ASIC2: variants seen among roughly 807,000 people sequenced by gnomAD.
ASIC2 encodes acid sensing ion channel subunit 2, also known as acid-sensing ion channel 2.
ASIC2 carries 25 observed loss-of-function variants against 57.3 expected under a neutral mutation model. The observed-to-expected ratio is 0.44, with a 90% confidence interval of 0.32 to 0.61. The LOEUF (loss-of-function observed/expected upper bound fraction) is 0.61. Among genes scored for constraint, ASIC2 ranks in the 20% least tolerant of loss-of-function variants. ASIC2 has a pLI of 0.06. For missense variants in ASIC2, 641 were observed against 738.1 expected (o/e 0.87, Z 1.52); for synonymous variants, 319 against 307.5 (o/e 1.04, Z -0.39).
intron 1 of ASIC2, among the ~76,000 whole-genome samples, chr17:33,599,287 G>A (rs1905066097): frequency 6.6e-6 from 1 of 152,174 alleles, no homozygotes; most frequent in Non-Finnish European, 1.5e-5. Context: ...GATACCTCTT[G>A]CCCTCAACAC....
At position 33,028,162 on chromosome 17, in the gene ASIC2, G is replaced by A. The variant is rs1034865841; in HGVS notation, c.1138+80C>T. On this transcript the variant is annotated intron_variant, in intron 4 of 9. Coordinates refer to ENST00000225823, the MANE Select transcript of ASIC2 (RefSeq NM_183377.2). ...TGGATCCCAGCGAAGTGGGTGAAGT[G>A]TTTCCCATTAGGATGAGAAATGCAA... 6 of 1,531,822 alleles carry A rather than the reference G, an allele frequency of 3.9e-6. No homozygotes were observed. In the Admixed American group the frequency reaches 1.1e-4, roughly 27 times the overall value. The allele number at this position is 1,531,822 out of a possible 1,614,324, so 94.9% of individuals were successfully genotyped here.
intron 1 of ASIC2, among the ~76,000 whole-genome samples, chr17:33,728,958 G>C (rs1909650085): frequency 6.6e-6 from 1 of 151,956 alleles, no homozygotes; most frequent in Non-Finnish European, 1.5e-5. Context: ...GTCTTTGCTG[G>C]GCCCCATCAC....
At chr17:33,329,965 T>C (rs946895677) in intron 1 of ASIC2, among the ~76,000 whole-genome samples, 6 of 152,208 alleles carry the variant, frequency 3.9e-5, no homozygotes, top group South Asian at 4.2e-4. Flanking sequence ...GGTTTAGGCA[T>C]GAATGTGCAT....
At chr17:34,102,125 T>A (rs1910887673) in intron 1 of ASIC2, among the ~76,000 whole-genome samples, 1 of 151,838 alleles carries the variant, frequency 6.6e-6, no homozygotes, top group South Asian at 2.1e-4. Flanking sequence ...CCTGGCCAAC[T>A]TTGAGACTAG....
chr17:33,100,242 C>T (rs1010782037), intron 2 of ASIC2: 1 of 152,266 alleles, frequency 6.6e-6, no homozygotes, highest in African/African-American at 2.4e-5. Flanking sequence ...CACATAGGCC[C>T]CTGGTGATCT....
intron 1 of ASIC2, among the ~76,000 whole-genome samples, chr17:33,666,323 G>A (rs568920323): frequency 7.2e-5 from 11 of 152,288 alleles, no homozygotes; most frequent in Non-Finnish European, 1.2e-4. Context: ...ACAAAATTAA[G>A]AAACGGGCAG....
chr17:33,915,737 C>T lies in ASIC2; in HGVS notation c.555+240241G>A, dbSNP rs75870590. Among the ~76,000 whole-genome samples the T allele has an allele frequency of 9.5e-3, 1,448 of 152,238 alleles. 26 individuals are homozygous for T. The highest frequency in any genetic ancestry group is 0.033 in the African/African-American group (1,363 of 41,540). On this transcript the variant is annotated intron_variant, in intron 1 of 9. Transcript: ENST00000359872. ...GCATGCATTTTCCCTTTTTCTACAGCGAAGAAACTGGAAAACTGACTTGAG... is the reference window on the plus strand; with the variant it reads ...GCATGCATTTTCCCTTTTTCTACAGTGAAGAAACTGGAAAACTGACTTGAG...
intron 1 of ASIC2, among the ~76,000 whole-genome samples, chr17:33,802,966 A>G (rs1009102716): frequency 1.3e-5 from 2 of 150,954 alleles, no homozygotes; most frequent in Non-Finnish European, 3.0e-5. Context: ...TTAAGTGCGC[A>G]TAGCCAAAGT....
At chr17:34,012,841 T>C (rs1029712935) in intron 1 of ASIC2, among the ~76,000 whole-genome samples, 1 of 152,098 alleles carries the variant, frequency 6.6e-6, no homozygotes, top group Admixed American at 6.5e-5. Flanking sequence ...CAGGTCTCAC[T>C]CAGAGCCCTG....
chr17:33,156,893 T>C (rs1432723121), intron 1 of ASIC2, among the ~76,000 whole-genome samples: 1 of 152,102 alleles, frequency 6.6e-6, no homozygotes, highest in Non-Finnish European at 1.5e-5. Flanking sequence ...GTCTGGGTGA[T>C]TCTGTTAGGT....
At chr17:33,723,771 G>C (rs574507948) in intron 1 of ASIC2, among the ~76,000 whole-genome samples, 1 of 152,218 alleles carries the variant, frequency 6.6e-6, no homozygotes, top group Non-Finnish European at 1.5e-5. Flanking sequence ...GACGTATTCT[G>C]TTCTTTGTTC....
At chr17:33,366,061 G>A (rs1478917311) in intron 1 of ASIC2, among the ~76,000 whole-genome samples, 4 of 152,220 alleles carry the variant, frequency 2.6e-5, no homozygotes, top group Non-Finnish European at 5.9e-5. Context: ...AGGTTGGCAA[G>A]GCTGCTCTAA....
chr17:33,973,791 G>A lies in ASIC2; in HGVS notation c.555+182187C>T, dbSNP rs180688436. On this transcript the variant is annotated intron_variant, in intron 1 of 9. Transcript: ENST00000359872. ...AGATTGCAAACAGGTTCTCCTCTGG[G>A]TAAGCGTATTTGCTGTGATCCTTGG... Among the ~76,000 whole-genome samples, 289 of 144,440 alleles carry A rather than the reference G, an allele frequency of 2.0e-3. 2 individuals are homozygous for A. Among genetic ancestry groups the A allele is most frequent in the African/African-American group, 7.4e-3 (282 of 38,206 alleles). The allele number at this position is 144,440 out of a possible 152,430, so 94.8% of individuals were successfully genotyped here. A position where few individuals can be genotyped will look rare whatever the true frequency, so the allele number is the denominator to read the frequency against.
At chr17:33,623,636 T>G (rs2142022560) in intron 1 of ASIC2, 2 of 152,282 alleles carry the variant, frequency 1.3e-5, no homozygotes, top group Middle Eastern at 6.8e-3. Context: ...TAGGGCAACC[T>G]GGAAATGTCC....
chr17:33,351,386 A>G (rs979749954), intron 1 of ASIC2, among the ~76,000 whole-genome samples: 1 of 152,170 alleles, frequency 6.6e-6, no homozygotes. Flanking sequence ...CCAGACGTTC[A>G]TCTCTTCTCA....
intron 1 of ASIC2, among the ~76,000 whole-genome samples, chr17:33,974,040 A>G (rs924400653): frequency 6.6e-6 from 1 of 151,962 alleles, no homozygotes; most frequent in African/African-American, 2.4e-5. Flanking sequence ...CCGTCCACTA[A>G]TCCCCATTCA....
chr17:33,553,570 G>A lies in ASIC2; in HGVS notation c.556-441503C>T, dbSNP rs946594482. Among the ~76,000 whole-genome samples the A allele has an allele frequency of 1.9e-4, 29 of 151,966 alleles. No individual in the cohort carries two copies. In the East Asian group the frequency reaches 1.9e-3, roughly 10 times the overall value. On this transcript the variant is annotated intron_variant, in intron 1 of 9. Transcript: ENST00000359872. ...GGGCTGGCCTTGAACTCCTGGGCTT[G>A]AGCAATCCTCCCACCTCAGCCTCCC... is the stretch of plus-strand genomic sequence containing the variant.
chr17:33,165,593 C>T (rs755247130), intron 1 of ASIC2, among the ~76,000 whole-genome samples: 23 of 152,070 alleles, frequency 1.5e-4, no homozygotes, highest in African/African-American at 5.3e-4. Context: ...TAAATGGGCT[C>T]AGCCCACAAA....
intron 1 of ASIC2, among the ~76,000 whole-genome samples, chr17:33,853,329 C>A (rs1009216384): frequency 1.3e-5 from 2 of 152,126 alleles, no homozygotes; most frequent in Non-Finnish European, 2.9e-5. Flanking sequence ...GGAGAAAGGG[C>A]TCACCCGGCC....
Sources: allele counts gnomAD v4.1 joint callset (sites outside exome capture counted in the v4.1 genomes callset), GRCh38; gene constraint gnomAD v4.1.1; transcripts MANE v1.5; gene names NCBI Gene and HGNC (gene_info 2026-07-23, HGNC 2026-07-21).